The following POLR3K variants were observed in gnomAD, a reference collection of about 807,000 sequenced individuals.
POLR3K encodes DNA-directed RNA polymerase III subunit RPC10.
A neutral mutation model predicts 13.5 loss-of-function variants in POLR3K; 11 were observed. That is an observed-to-expected ratio of 0.81 (90% confidence interval 0.51 to 1.35). POLR3K has a LOEUF of 1.35. POLR3K is among the 40% of genes most tolerant of loss of function. The pLI, the probability that POLR3K is intolerant of heterozygous loss-of-function variation, is 0.00. For synonymous variants in POLR3K, 56 were observed against 51.5 expected, an observed-to-expected ratio of 1.09 and a Z score of -0.38; for missense variants, 144 against 145.3, an observed-to-expected ratio of 0.99 and a Z score of 0.05.
Position 53,576 on chromosome 16 carries a change from A to C in POLR3K, c.11T>G (p.Phe4Cys). The part of the protein sequence containing the change: MLL[F>C]CPGCGNGLIV... ...CAGCCCGTTCCCGCAGCCGGGGCAGAACAGCAGCATGGTCTCGAACTCCGC... is the reference window on the plus strand; with the variant it reads ...CAGCCCGTTCCCGCAGCCGGGGCAGCACAGCAGCATGGTCTCGAACTCCGC... Residue 4 changes from phenylalanine to cysteine, a missense_variant, in exon 1 of 3, where the codon TTC becomes TGC. Transcript: ENST00000293860. 6.2e-7 allele frequency: 1 copy of C among 1,612,648 alleles called. No individual in the cohort carries two copies. The highest frequency in any genetic ancestry group is 8.5e-7 in the Non-Finnish European group (1 of 1,179,504).
Position 53,243 on chromosome 16 carries a change from T to C in POLR3K, c.111+233A>G, listed in dbSNP as rs536044107. Reference sequence around the variant, plus strand: ...AAGGAAATCACCGTGGCCGCCGCTGTGAACGCAGAGAAGGGCGCGAGCGTG... The same window carrying C: ...AAGGAAATCACCGTGGCCGCCGCTGCGAACGCAGAGAAGGGCGCGAGCGTG... On this transcript the variant is annotated intron_variant, in intron 1 of 2. Coordinates refer to ENST00000293860, the MANE Select transcript of POLR3K (RefSeq NM_016310.5). 9 of 789,366 alleles carry C rather than the reference T, an allele frequency of 1.1e-5. No homozygotes were observed. The African/African-American group carries it at 1.4e-4, about 13-fold the overall frequency. The allele number at this position is 789,366 out of a possible 1,614,324, so 48.9% of individuals were successfully genotyped here.
chr16:49,399 T>C (rs1214836002), intron 2 of POLR3K, among the ~76,000 whole-genome samples: 2 of 147,678 alleles, frequency 1.4e-5, no homozygotes, highest in South Asian at 2.4e-4. Context: ...GATCACACCA[T>C]TGCACTCTTC....
At chr16:49,834 T>C (rs556673861) in intron 2 of POLR3K, among the ~76,000 whole-genome samples, 16 of 151,976 alleles carry the variant, frequency 1.1e-4, no homozygotes, top group African/African-American at 3.9e-4. Flanking sequence ...GAGACGGGGT[T>C]TCACCATGTT....
rs919986581 is a variant in POLR3K at position 53,340 on chromosome 16, T to C, written c.111+136A>G. The C allele has an allele frequency of 2.8e-5, 40 of 1,417,940 alleles. No individual in the cohort carries two copies. In the African/African-American group the frequency reaches 5.1e-4, roughly 18 times the overall value. The allele number at this position is 1,417,940 out of a possible 1,614,324, so 87.8% of individuals were successfully genotyped here. A position where few individuals can be genotyped will look rare whatever the true frequency, so the allele number is the denominator to read the frequency against. ...TATTGGAAAGTAGAGCCCACAGATC[T>C]GCTGCAGACCAGAAAGGGGCGCGAG... On this transcript the variant is annotated intron_variant, in intron 1 of 2. Transcript: ENST00000293860.
In POLR3K at chr16:47,565, T is replaced by A. The variant is rs1897295120; in HGVS notation, c.200-8A>T. ...CGCATTTGGGACACGACTCTGGCAATGAGAAAAAAGAAGTGACCACATTTA... is the reference window on the plus strand; with the variant it reads ...CGCATTTGGGACACGACTCTGGCAAAGAGAAAAAAGAAGTGACCACATTTA... On this transcript the variant is annotated splice_polypyrimidine_tract_variant and splice_region_variant and intron_variant, in intron 2 of 2. Transcript: ENST00000293860. 6.2e-7 allele frequency: 1 copy of A among 1,609,992 alleles called. No homozygotes were observed.
At chr16:51,724 C>T in intron 1 of POLR3K, 79 bp from the exon 2 acceptor site, 7 of 1,206,934 alleles carry the variant, frequency 5.8e-6, no homozygotes, top group South Asian at 1.3e-5. Flanking sequence ...TTCAGGATTA[C>T]ATAAGAGTTC....
At position 46,723 on chromosome 16, in the gene POLR3K, T is replaced by C. The variant is rs1312796537; in HGVS notation, c.*707A>G. ...TGGGCGACAGAACAAGACTCTGTCT[T>C]AAATAAATAAATAAATAAATAAAAT... On this transcript the variant is annotated 3_prime_UTR_variant, in exon 3 of 3. Transcript: ENST00000293860. The C allele has an allele frequency of 9.2e-6, 1 of 109,178 alleles. No individual in the cohort carries two copies. Among genetic ancestry groups the C allele is most frequent in the Non-Finnish European group, 1.8e-5 (1 of 55,938 alleles). 6.8% of individuals were successfully genotyped at this position (109,178 alleles called of 1,614,324 possible).
chr16:49,925 A>G (rs1024204824), intron 2 of POLR3K, among the ~76,000 whole-genome samples: 1 of 152,042 alleles, frequency 6.6e-6, no homozygotes, highest in African/African-American at 2.4e-5. Context: ...GGTGTGAGCC[A>G]CCGTGCCAGC....
intron 1 of POLR3K, chr16:51,885 T>G (rs1284911852): frequency 2.7e-6 from 1 of 364,766 alleles, no homozygotes; most frequent in Non-Finnish European, 5.2e-6. Flanking sequence ...CCCGGCGTGT[T>G]GGCGGGCGCC....
At chr16:51,747 G>A (rs934253081) in intron 1 of POLR3K, 102 bp from the exon 2 acceptor site, 21 of 940,566 alleles carry the variant, frequency 2.2e-5, no homozygotes, top group Middle Eastern at 2.5e-4. Context: ...TCGGCTGGGC[G>A]TGGTGGCTGA....
chr16:48,760 G>A (rs547387193), intron 2 of POLR3K, among the ~76,000 whole-genome samples: 10 of 150,990 alleles, frequency 6.6e-5, no homozygotes, highest in South Asian at 2.1e-4. Context: ...GCAGTGAGCC[G>A]AGATCGCGCC....
intron 2 of POLR3K, among the ~76,000 whole-genome samples, chr16:49,345 G>T (rs1160277491): frequency 6.6e-6 from 1 of 151,852 alleles, no homozygotes; most frequent in Non-Finnish European, 1.5e-5. Flanking sequence ...GGCCGAGGAA[G>T]GAGAATCACT....
intron 1 of POLR3K, among the ~76,000 whole-genome samples, chr16:52,446 C>CAAAAAA (rs767411954): frequency 7.3e-4 from 54 of 74,192 alleles, no homozygotes; most frequent in East Asian, 2.1e-3. Flanking sequence ...GACTCTGTCT[C>CAAAAAA]AAAAAAAAAA....
At chr16:48,286 C>T (rs1897301604) in intron 2 of POLR3K, among the ~76,000 whole-genome samples, 1 of 152,150 alleles carries the variant, frequency 6.6e-6, no homozygotes, top group African/African-American at 2.4e-5. Context: ...TCCCACCACG[C>T]TGTAACACTA....
intron 2 of POLR3K, among the ~76,000 whole-genome samples, chr16:48,622 T>G (rs1415263713): frequency 6.7e-6 from 1 of 148,606 alleles, no homozygotes; most frequent in African/African-American, 2.5e-5. Flanking sequence ...CCATCCTGGC[T>G]AACATGGTGA....
chr16:53,508 T>C lies in POLR3K; in HGVS notation c.79A>G (p.Thr27Ala). 1 of 1,612,962 alleles carries C rather than the reference T, an allele frequency of 6.2e-7. No individual in the cohort carries two copies. The highest frequency in any genetic ancestry group is 8.5e-7 in the Non-Finnish European group (1 of 1,179,662). ...GTGATGTTGTGCACGTAGGGGCACGTGTTGCAGGCGAAGCGGTGGCAGCGT... is the reference window on the plus strand; with the variant it reads ...GTGATGTTGTGCACGTAGGGGCACGCGTTGCAGGCGAAGCGGTGGCAGCGT... ...GQRCHRFACN[T>A]CPYVHNITRK... The change falls in exon 1 of 3, where the codon ACG becomes GCG. Residue 27 changes from threonine to alanine, a missense_variant. Coordinates refer to ENST00000293860, the MANE Select transcript of POLR3K (RefSeq NM_016310.5).
At chr16:49,085 T>A (rs1274010217) in intron 2 of POLR3K, among the ~76,000 whole-genome samples, 2 of 147,812 alleles carry the variant, frequency 1.4e-5, no homozygotes, top group Admixed American at 6.7e-5. Context: ...CCGGGCAGCA[T>A]AGGTTTGCAG....
intron 1 of POLR3K, chr16:53,173 G>C (rs1750914488): frequency 5.6e-6 from 2 of 359,520 alleles, no homozygotes; most frequent in Non-Finnish European, 4.9e-6. Flanking sequence ...CTGGAGAAGA[G>C]CCGAAGGTTT....
rs1034829736 is a variant in POLR3K, at chr16:48,949, C to T, written c.200-1392G>A. On this transcript the variant is annotated intron_variant, in intron 2 of 2. Coordinates refer to ENST00000293860, the MANE Select transcript of POLR3K (RefSeq NM_016310.5). ...CAGGTGGATCACGAGGTCGGGAGGT[C>T]AAGACCAGCCTAGCCAAGATGGTGA... Among the ~76,000 whole-genome samples, 4 of 149,602 alleles carry T rather than the reference C, an allele frequency of 2.7e-5. No individual in the cohort carries two copies. The South Asian group carries it at 8.5e-4, about 32-fold the overall frequency.
Sources: allele counts gnomAD v4.1 joint callset (sites outside exome capture counted in the v4.1 genomes callset), GRCh38; gene constraint gnomAD v4.1.1; transcripts MANE v1.5; gene names NCBI Gene and HGNC (gene_info 2026-07-23, HGNC 2026-07-21).